Variants in FTCDNL1 observed in about 807,000 individuals in gnomAD.
FTCDNL1 encodes the protein formiminotransferase cyclodeaminase N-terminal like.
Under a neutral mutation model 5.9 loss-of-function variants are expected in FTCDNL1, and 11 were observed. That is an observed-to-expected ratio of 1.87 (90% CI 1.18 to 3.10). FTCDNL1 has a LOEUF of 3.10. Among genes scored for constraint, FTCDNL1 ranks in the 30% most tolerant of loss-of-function variants. The pLI is 0.00. For synonymous variants in FTCDNL1, 58 were observed against 24.8 expected, an observed-to-expected ratio of 2.34 and a Z score of -3.99; for missense variants, 115 against 65.5, an observed-to-expected ratio of 1.76 and a Z score of -2.61.
chr2:199,716,139 T>C, the FTCDNL1 span, among the ~76,000 whole-genome samples: 5 of 151,946 alleles, frequency 3.3e-5, no homozygotes, highest in African/African-American at 1.2e-4. Context: ...GGCAGTTCTC[T>C]TTAAGATTGA....
chr2:199,727,682 C>A, the FTCDNL1 span, among the ~76,000 whole-genome samples: 1 of 152,092 alleles, frequency 6.6e-6, no homozygotes, highest in Non-Finnish European at 1.5e-5. Flanking sequence ...GTGGGAGCCA[C>A]AGACTGGAGC....
chr2:199,814,401 T>C (rs17529531), intron 4 of FTCDNL1, among the ~76,000 whole-genome samples: 13,217 of 152,286 alleles, frequency 0.087, 768 homozygotes, highest in Middle Eastern at 0.14. Flanking sequence ...GGACACTGCC[T>C]CTGCTCAGCT....
In FTCDNL1 at chr2:199,822,181, T is replaced by C. The variant is rs139119214; in HGVS notation, c.212-2424A>G. Among the ~76,000 whole-genome samples, 125 of 152,234 alleles carry C rather than the reference T, an allele frequency of 8.2e-4. 3 individuals are homozygous for C. In the East Asian group the frequency reaches 0.02, roughly 24 times the overall value. On this transcript the variant is annotated intron_variant, in intron 3 of 4. Transcript: ENST00000420128. The stretch of plus-strand genomic sequence containing the variant: ...ACTTAGGGAGGCTGAGGAGGGAGGA[T>C]TGCTTGAGATCAGGAGTTTGAGACC...
chr2:199,678,480 A>C, the FTCDNL1 span, among the ~76,000 whole-genome samples: 3,752 of 152,164 alleles, frequency 0.025, 161 homozygotes, highest in African/African-American at 0.084. Context: ...GAATAATTTA[A>C]TTTTTTATTA....
At chr2:199,673,504 T>G in the FTCDNL1 span, among the ~76,000 whole-genome samples, 1 of 152,184 alleles carries the variant, frequency 6.6e-6, no homozygotes, top group African/African-American at 2.4e-5. Flanking sequence ...ATGACATCAT[T>G]TTTTGTTTTA....
In FTCDNL1 at chr2:199,823,543, T is replaced by C. The variant is rs533989976; in HGVS notation, c.212-3786A>G. On this transcript the variant is annotated intron_variant, in intron 3 of 4. Transcript: ENST00000420128. ...AGAATGGATGTTGTGTTAGCAGGCA[T>C]GAAAACAACATTAATCTCCTTGTAC... Among the ~76,000 whole-genome samples the C allele has an allele frequency of 8.5e-5, 13 of 152,344 alleles. 1 individual carries two copies. The South Asian group carries it at 2.5e-3, about 29-fold the overall frequency.
chr2:199,827,705 G>A (rs1246179054), intron 3 of FTCDNL1, among the ~76,000 whole-genome samples: 4 of 152,082 alleles, frequency 2.6e-5, no homozygotes, highest in Admixed American at 1.3e-4. Flanking sequence ...CCCATAGGAC[G>A]GATAGAGATT....
chr2:199,702,575 A>C, the FTCDNL1 span, among the ~76,000 whole-genome samples: 2 of 152,216 alleles, frequency 1.3e-5, no homozygotes, highest in Non-Finnish European at 2.9e-5. Context: ...TAATCTAAAA[A>C]TACAGTTCCT....
chr2:199,734,498 T>C, the FTCDNL1 span, among the ~76,000 whole-genome samples: 1 of 152,248 alleles, frequency 6.6e-6, no homozygotes. Context: ...TATCTAAATA[T>C]CCCATTTTTC....
At chr2:199,755,296 C>G in the FTCDNL1 span, among the ~76,000 whole-genome samples, 1 of 152,170 alleles carries the variant, frequency 6.6e-6, no homozygotes, top group Non-Finnish European at 1.5e-5. Flanking sequence ...TGACAGGGAC[C>G]TCACTATTAA....
At chr2:199,667,539 A>G in the FTCDNL1 span, among the ~76,000 whole-genome samples, 1 of 152,136 alleles carries the variant, frequency 6.6e-6, no homozygotes, top group Non-Finnish European at 1.5e-5. Context: ...GCATGCACGT[A>G]GTGGGAGGAC....
intron 4 of FTCDNL1, among the ~76,000 whole-genome samples, chr2:199,817,955 A>G (rs1173705243): frequency 6.6e-6 from 1 of 152,206 alleles, no homozygotes; most frequent in Non-Finnish European, 1.5e-5. Context: ...ATAATTAGTG[A>G]TAATATTAGC....
chr2:199,695,673 C>T, the FTCDNL1 span, among the ~76,000 whole-genome samples: 1 of 152,098 alleles, frequency 6.6e-6, no homozygotes, highest in South Asian at 2.1e-4. Flanking sequence ...TCACCACAGA[C>T]ATCCAGAATC....
At chr2:199,750,355 C>CTAAATAAA in the FTCDNL1 span, among the ~76,000 whole-genome samples, 78 of 148,736 alleles carry the variant, frequency 5.2e-4, no homozygotes, top group African/African-American at 1.8e-3. Flanking sequence ...GAAATGTTGT[C>CTAAATAAA]TAAATAAATA....
At chr2:199,792,031 C>T (rs574942949) in intron 3 of FTCDNL1, among the ~76,000 whole-genome samples, 91 of 151,922 alleles carry the variant, frequency 6.0e-4, no homozygotes, top group Middle Eastern at 6.8e-3. Flanking sequence ...AGCATATTTA[C>T]CACTATGAAT....
the FTCDNL1 span, among the ~76,000 whole-genome samples, chr2:199,686,768 A>G: frequency 1.3e-5 from 2 of 152,336 alleles, no homozygotes; most frequent in African/African-American, 4.8e-5. Flanking sequence ...ATAGATGGTT[A>G]TTACATAGAT....
At chr2:199,834,067 G>T (rs1702551131) in intron 3 of FTCDNL1, among the ~76,000 whole-genome samples, 1 of 152,292 alleles carries the variant, frequency 6.6e-6, no homozygotes, top group African/African-American at 2.4e-5. Flanking sequence ...CTGGAATAGG[G>T]TCATTGCAGA....
the FTCDNL1 span, among the ~76,000 whole-genome samples, chr2:199,736,060 T>C: frequency 2.6e-5 from 4 of 152,202 alleles, no homozygotes; most frequent in South Asian, 6.2e-4. Flanking sequence ...TTGTGACTAT[T>C]GGGAAGTAAA....
chr2:199,699,422 C>A, the FTCDNL1 span, among the ~76,000 whole-genome samples: 1 of 152,002 alleles, frequency 6.6e-6, no homozygotes, highest in Admixed American at 6.6e-5. Context: ...CCACTGCACT[C>A]CAGCGTGGGT....
Sources: gnomAD v4.1 joint callset for allele counts (sites outside exome capture counted in the v4.1 genomes callset) on GRCh38, gnomAD v4.1.1 for gene constraint, MANE v1.5 for transcripts, NCBI Gene and HGNC (gene_info 2026-07-23, HGNC 2026-07-21) for gene names.